LHFPL6: variants seen among roughly 807,000 people sequenced by gnomAD.
LHFPL6 encodes the protein LHFPL tetraspan subfamily member 6 protein.
LHFPL6 carries 9 observed loss-of-function variants against 20.6 expected under a neutral mutation model. The ratio of observed to expected loss-of-function variants is 0.44; its 90% CI spans 0.26 to 0.76. LHFPL6 has a LOEUF of 0.76. LHFPL6 is among the 30% of genes least tolerant of loss of function. LHFPL6 has a pLI of 0.20. For missense variants in LHFPL6, 218 were observed against 253.5 expected, an observed-to-expected ratio of 0.86 and a Z score of 0.95; for synonymous variants, 105 against 98.7, an observed-to-expected ratio of 1.06 and a Z score of -0.38.
intron 2 of LHFPL6, among the ~76,000 whole-genome samples, chr13:39,418,134 T>C (rs773417077): frequency 1.6e-4 from 24 of 152,146 alleles, no homozygotes; most frequent in African/African-American, 2.9e-4. Context: ...AATAAATGAA[T>C]GCATGAAATA....
intron 2 of LHFPL6, among the ~76,000 whole-genome samples, chr13:39,503,011 G>A (rs2138465633): frequency 6.6e-6 from 1 of 152,150 alleles, no homozygotes; most frequent in Middle Eastern, 3.4e-3. Context: ...TCCCACCTTG[G>A]CCTTCCAAAG....
intron 2 of LHFPL6, among the ~76,000 whole-genome samples, chr13:39,448,212 T>C (rs538795061): frequency 6.6e-6 from 1 of 152,238 alleles, no homozygotes; most frequent in Non-Finnish European, 1.5e-5. Flanking sequence ...TGACTCAGTT[T>C]GATAGCACTG....
chr13:39,519,981 C>T (rs1870054845), intron 2 of LHFPL6, among the ~76,000 whole-genome samples: 1 of 152,172 alleles, frequency 6.6e-6, no homozygotes, highest in Non-Finnish European at 1.5e-5. Context: ...GATTGGTCCA[C>T]ACAAGAAAGG....
At chr13:39,562,617 CAT>C (rs1434484113) in intron 2 of LHFPL6, among the ~76,000 whole-genome samples, 29 of 108,684 alleles carry the variant, frequency 2.7e-4, no homozygotes, top group East Asian at 6.7e-4. Flanking sequence ...CATATATACA[CAT>C]ATATACACAC....
intron 2 of LHFPL6, among the ~76,000 whole-genome samples, chr13:39,535,180 C>T (rs1363861249): frequency 1.3e-5 from 2 of 152,216 alleles, no homozygotes; most frequent in East Asian, 3.8e-4. Flanking sequence ...GAAGGGCCCA[C>T]CCTAATGACT....
chr13:39,483,883 A>G (rs1868624276), intron 2 of LHFPL6, among the ~76,000 whole-genome samples: 1 of 152,242 alleles, frequency 6.6e-6, no homozygotes, highest in African/African-American at 2.4e-5. Flanking sequence ...GAGACCAGAC[A>G]GATGTTTAAG....
At chr13:39,499,349 C>A (rs1201731006) in intron 2 of LHFPL6, among the ~76,000 whole-genome samples, 1 of 152,180 alleles carries the variant, frequency 6.6e-6, no homozygotes, top group Non-Finnish European at 1.5e-5. Flanking sequence ...GACTCCAAGC[C>A]AGGCCTTCAT....
chr13:39,457,903 T>C (rs910981357), intron 2 of LHFPL6, among the ~76,000 whole-genome samples: 5 of 152,080 alleles, frequency 3.3e-5, no homozygotes, highest in Non-Finnish European at 7.4e-5. Context: ...GGCCACAGAG[T>C]AACACAGTGA....
chr13:39,587,346 C>T (rs1193526046), intron 2 of LHFPL6, among the ~76,000 whole-genome samples: 1 of 152,120 alleles, frequency 6.6e-6, no homozygotes, highest in Non-Finnish European at 1.5e-5. Context: ...TGATGTTCCC[C>T]TGTCTGAAGG....
At chr13:39,530,838 A>G (rs1229189308) in intron 2 of LHFPL6, among the ~76,000 whole-genome samples, 1 of 151,894 alleles carries the variant, frequency 6.6e-6, no homozygotes, top group Non-Finnish European at 1.5e-5. Context: ...TAGCCATGAG[A>G]TTCCAAACTC....
chr13:39,491,313 C>CA (rs1253792682), intron 2 of LHFPL6, among the ~76,000 whole-genome samples: 3 of 152,260 alleles, frequency 2.0e-5, no homozygotes, highest in Middle Eastern at 3.4e-3. Context: ...GCATTTCTGA[C>CA]AGCTGGGTTC....
intron 2 of LHFPL6, among the ~76,000 whole-genome samples, chr13:39,467,832 T>C (rs1331402087): frequency 6.6e-6 from 1 of 152,188 alleles, no homozygotes; most frequent in Non-Finnish European, 1.5e-5. Context: ...GAAATTGCCA[T>C]ATTCTCCCCA....
At chr13:39,578,228 G>A (rs1872177272) in intron 2 of LHFPL6, among the ~76,000 whole-genome samples, 1 of 152,090 alleles carries the variant, frequency 6.6e-6, no homozygotes, top group Admixed American at 6.5e-5. Context: ...CAATCATCAT[G>A]GAGTGATAGG....
intron 3 of LHFPL6, among the ~76,000 whole-genome samples, chr13:39,352,912 T>TGC (rs1869618790): frequency 1.7e-5 from 1 of 58,852 alleles, no homozygotes; most frequent in African/African-American, 5.9e-5. Flanking sequence ...TATATAAATG[T>TGC]ATATATATAT....
At chr13:39,461,020 T>A in intron 2 of LHFPL6, among the ~76,000 whole-genome samples, 1 of 152,168 alleles carries the variant, frequency 6.6e-6, no homozygotes, top group East Asian at 1.9e-4. Flanking sequence ...TAAGTGTCTA[T>A]TGTTCCCCTC....
intron 2 of LHFPL6, among the ~76,000 whole-genome samples, chr13:39,453,123 G>T (rs1180543398): frequency 6.6e-6 from 1 of 152,136 alleles, no homozygotes; most frequent in East Asian, 1.9e-4. Flanking sequence ...ACAGAAGGCC[G>T]TTCTTTTTTT....
chr13:39,494,273 G>A (rs1437784265), intron 2 of LHFPL6, among the ~76,000 whole-genome samples: 3 of 152,244 alleles, frequency 2.0e-5, no homozygotes, highest in South Asian at 2.1e-4. Context: ...AGCTCTTAGC[G>A]CTGCCCATAA....
chr13:39,459,194 A>ATGTG (rs58955444), intron 2 of LHFPL6, among the ~76,000 whole-genome samples: 11,461 of 135,864 alleles, frequency 0.084, 578 homozygotes, highest in Non-Finnish European at 0.11. Flanking sequence ...AAGTTCCTTA[A>ATGTG]TGTGTGTGTG....
At chr13:39,370,747 G>A (rs1013424674) in intron 3 of LHFPL6, among the ~76,000 whole-genome samples, 3 of 152,184 alleles carry the variant, frequency 2.0e-5, no homozygotes, top group Non-Finnish European at 2.9e-5. Context: ...GAAGCAACCC[G>A]AAAAGTCCAC....
Sources: allele counts gnomAD v4.1 joint callset (sites outside exome capture counted in the v4.1 genomes callset), GRCh38; gene constraint gnomAD v4.1.1; transcripts MANE v1.5; gene names NCBI Gene and HGNC (gene_info 2026-07-23, HGNC 2026-07-21).